FAM110B: variants seen among roughly 807,000 people sequenced by gnomAD.
The protein encoded by FAM110B is family with sequence similarity 110 member B.
Under a neutral mutation model 20.4 loss-of-function variants are expected in FAM110B, and 6 were observed. The ratio of observed to expected loss-of-function variants is 0.29; its 90% CI spans 0.16 to 0.58. The LOEUF (loss-of-function observed/expected upper bound fraction) is 0.58. Ranked by LOEUF, FAM110B falls within the 20% of genes least tolerant of loss-of-function variation. The pLI is 0.90. For synonymous variants in FAM110B, 226 were observed against 214.1 expected (o/e 1.06, Z -0.49); for missense variants, 434 against 498.2 (o/e 0.87, Z 1.23).
intron 3 of FAM110B, among the ~76,000 whole-genome samples, chr8:58,137,992 G>T (rs1563383045): frequency 6.6e-6 from 1 of 152,230 alleles, no homozygotes; most frequent in Admixed American, 6.5e-5. Context: ...TGAAGAAGAA[G>T]CATCATTTTC....
chr8:58,104,875 A>G (rs896488554), intron 3 of FAM110B, among the ~76,000 whole-genome samples: 1 of 152,010 alleles, frequency 6.6e-6, no homozygotes, highest in African/African-American at 2.4e-5. Context: ...ATAAATGTTG[A>G]ATTTTAACTG....
At chr8:58,000,068 C>T (rs750811399) in intron 1 of FAM110B, among the ~76,000 whole-genome samples, 1 of 152,118 alleles carries the variant, frequency 6.6e-6, no homozygotes, top group East Asian at 1.9e-4. Flanking sequence ...ATTTATAAAA[C>T]GAGTATTTAT....
chr8:58,145,729 G>A (rs1158464561), intron 3 of FAM110B, among the ~76,000 whole-genome samples, 178 bp from the exon 4 acceptor site: 1 of 152,212 alleles, frequency 6.6e-6, no homozygotes, highest in East Asian at 1.9e-4. Context: ...GTCGGCGCAG[G>A]CGGGGGCGCA....
chr8:58,010,959 G>A (rs1475453131), intron 1 of FAM110B, among the ~76,000 whole-genome samples: 1 of 152,160 alleles, frequency 6.6e-6, no homozygotes, highest in Admixed American at 6.5e-5. Context: ...GAGGTGTACT[G>A]GGCCCAAGGA....
At chr8:58,145,430 C>G (rs893725059) in intron 3 of FAM110B, among the ~76,000 whole-genome samples, 22 of 151,552 alleles carry the variant, frequency 1.5e-4, no homozygotes, top group Admixed American at 2.6e-4. Flanking sequence ...ATTGGTAGTA[C>G]AGAGGGAGAA....
chr8:58,052,931 G>T (rs978020539), intron 2 of FAM110B, among the ~76,000 whole-genome samples: 21 of 149,490 alleles, frequency 1.4e-4, no homozygotes, highest in Non-Finnish European at 2.5e-4. Flanking sequence ...GACTACAGGC[G>T]CCCGCTACCA....
At chr8:58,001,884 G>C (rs1804303784) in intron 1 of FAM110B, among the ~76,000 whole-genome samples, 1 of 152,088 alleles carries the variant, frequency 6.6e-6, no homozygotes, top group Non-Finnish European at 1.5e-5. Context: ...TTTATTACAA[G>C]GAATTGTCTT....
At chr8:58,044,591 A>T (rs1805285990) in intron 2 of FAM110B, among the ~76,000 whole-genome samples, 1 of 152,246 alleles carries the variant, frequency 6.6e-6, no homozygotes, top group African/African-American at 2.4e-5. Flanking sequence ...TTTCTAATTT[A>T]GATGGACCTT....
intron 3 of FAM110B, among the ~76,000 whole-genome samples, chr8:58,102,433 T>C (rs892717796): frequency 3.2e-4 from 48 of 152,218 alleles, no homozygotes; most frequent in African/African-American, 1.2e-3. Flanking sequence ...AATTACTCCT[T>C]ATGTCCGACT....
intron 3 of FAM110B, among the ~76,000 whole-genome samples, chr8:58,080,262 G>A (rs1806156741): frequency 6.6e-6 from 1 of 152,208 alleles, no homozygotes; most frequent in Non-Finnish European, 1.5e-5. Flanking sequence ...AGGGAAGTCG[G>A]ACAATGGGGA....
At chr8:58,003,231 C>T (rs1347050143) in intron 1 of FAM110B, among the ~76,000 whole-genome samples, 1 of 152,202 alleles carries the variant, frequency 6.6e-6, no homozygotes, top group Non-Finnish European at 1.5e-5. Context: ...AATTCAGTCA[C>T]ATCTTCAGGC....
At chr8:58,003,356 C>A (rs1804339199) in intron 1 of FAM110B, among the ~76,000 whole-genome samples, 1 of 152,150 alleles carries the variant, frequency 6.6e-6, no homozygotes, top group Non-Finnish European at 1.5e-5. Context: ...TTCTTCCAAA[C>A]TCCTGTTAAT....
At chr8:58,130,501 A>T (rs1368419604) in intron 3 of FAM110B, among the ~76,000 whole-genome samples, 3 of 152,114 alleles carry the variant, frequency 2.0e-5, no homozygotes, top group Non-Finnish European at 2.9e-5. Flanking sequence ...CACAGTTTAC[A>T]TTTTCCCTTA....
intron 3 of FAM110B, among the ~76,000 whole-genome samples, chr8:58,077,529 G>A (rs546277613): frequency 3.9e-5 from 6 of 152,292 alleles, no homozygotes; most frequent in Admixed American, 6.5e-5. Context: ...ACCTCAGCTC[G>A]TCTGCTTAGT....
rs146037258 is a variant in FAM110B, at chr8:58,011,654, A to G, written c.-512+16848A>G. On this transcript the variant is annotated intron_variant, in intron 1 of 3. Coordinates refer to ENST00000519262, the MANE Select transcript of FAM110B (RefSeq NM_001377989.1). ...ACCTGAGCAGTCCTCCCATCTTTGA[A>G]GAAAGAAAGAGAACCTTTGACACAC... 5.8e-4 allele frequency among the ~76,000 whole-genome samples: 89 copies of G among 152,312 alleles called. 3 individuals carry two copies. Among genetic ancestry groups the G allele is most frequent in the African/African-American group, 2.1e-3 (86 of 41,576 alleles).
At chr8:58,064,503 CA>C (rs1411165301) in intron 2 of FAM110B, among the ~76,000 whole-genome samples, 1 of 151,976 alleles carries the variant, frequency 6.6e-6, no homozygotes, top group African/African-American at 2.4e-5. Flanking sequence ...AACAGTATAA[CA>C]GTTTTCATCT....
At chr8:58,063,615 T>C (rs959865405) in intron 2 of FAM110B, among the ~76,000 whole-genome samples, 1 of 152,300 alleles carries the variant, frequency 6.6e-6, no homozygotes, top group Middle Eastern at 3.4e-3. Context: ...TTGAGCATCA[T>C]GTTGGTGCTC....
At chr8:58,071,494 G>A (rs896677463) in intron 2 of FAM110B, among the ~76,000 whole-genome samples, 4 of 152,246 alleles carry the variant, frequency 2.6e-5, no homozygotes, top group Middle Eastern at 3.4e-3. Flanking sequence ...AAAACTAAAC[G>A]TTGCAATTTT....
chr8:58,125,437 TA>T (rs1469140707), intron 3 of FAM110B, among the ~76,000 whole-genome samples: 3 of 152,278 alleles, frequency 2.0e-5, no homozygotes, highest in Non-Finnish European at 1.5e-5. Context: ...AGTGTCAATT[TA>T]ATATCCTCAT....
Sources: allele counts gnomAD v4.1 joint callset (sites outside exome capture counted in the v4.1 genomes callset), GRCh38; gene constraint gnomAD v4.1.1; transcripts MANE v1.5; gene names NCBI Gene and HGNC (gene_info 2026-07-23, HGNC 2026-07-21).